Variants in RAD51B observed in about 807,000 individuals in gnomAD.
The protein encoded by RAD51B is RAD51 paralog B.
A neutral mutation model predicts 42.2 loss-of-function variants in RAD51B; 38 were observed. The observed-to-expected ratio is 0.90, with a 90% CI of 0.70 to 1.18. The LOEUF (loss-of-function observed/expected upper bound fraction) is 1.18, where lower values mean the gene tolerates loss of function less well. RAD51B is among the 50% of genes most tolerant of loss of function. The pLI, the probability that RAD51B is intolerant of heterozygous loss-of-function variation, is 0.00. For synonymous variants in RAD51B, 154 were observed against 145.2 expected, an observed-to-expected ratio of 1.06 and a Z score of -0.43; for missense variants, 373 against 400.7, an observed-to-expected ratio of 0.93 and a Z score of 0.59.
At chr14:68,197,208 C>T (rs578182975) in intron 7 of RAD51B, among the ~76,000 whole-genome samples, 1 of 152,240 alleles carries the variant, frequency 6.6e-6, no homozygotes, top group African/African-American at 2.4e-5. Flanking sequence ...AATCTCAAGC[C>T]TCCTTAGGCA....
chr14:68,457,681 C>T (rs184314300), intron 9 of RAD51B, among the ~76,000 whole-genome samples: 2 of 151,992 alleles, frequency 1.3e-5, no homozygotes, highest in Non-Finnish European at 1.5e-5. Flanking sequence ...TCACTGCAAC[C>T]TCCACCTCCT....
chr14:68,543,730 G>A (rs1351718666), intron 10 of RAD51B, among the ~76,000 whole-genome samples: 2 of 152,130 alleles, frequency 1.3e-5, no homozygotes, highest in African/African-American at 2.4e-5. Context: ...TACAGCCACC[G>A]CTGGGGCCAA....
At chr14:67,882,412 C>A (rs2042935165) in intron 5 of RAD51B, among the ~76,000 whole-genome samples, 3 of 152,174 alleles carry the variant, frequency 2.0e-5, no homozygotes, top group African/African-American at 7.2e-5. Context: ...GTCCTAGGAC[C>A]TTTTCTCTTC....
chr14:68,678,773 A>G (rs1893365541), intron 11 of RAD51B, among the ~76,000 whole-genome samples: 2 of 152,204 alleles, frequency 1.3e-5, no homozygotes, highest in Non-Finnish European at 2.9e-5. Flanking sequence ...AGGCAGAGGC[A>G]GTCCATCTGG....
intron 5 of RAD51B, among the ~76,000 whole-genome samples, chr14:67,871,278 A>G (rs2042521249): frequency 6.6e-6 from 1 of 152,160 alleles, no homozygotes; most frequent in African/African-American, 2.4e-5. Context: ...CCACAGAAAT[A>G]CAAACTACCA....
chr14:68,266,950 C>T (rs2081004167), intron 7 of RAD51B, among the ~76,000 whole-genome samples: 1 of 152,170 alleles, frequency 6.6e-6, no homozygotes, highest in African/African-American at 2.4e-5. Flanking sequence ...ATACATTACG[C>T]AAAAAGTTAC....
At chr14:67,982,140 G>C (rs2075105775) in intron 7 of RAD51B, among the ~76,000 whole-genome samples, 2 of 151,980 alleles carry the variant, frequency 1.3e-5, no homozygotes, top group Non-Finnish European at 2.9e-5. Context: ...TCACCATGTT[G>C]GCCAGACTGG....
At chr14:68,426,007 C>CCTTCCTTTCTTT (rs1183115143) in intron 9 of RAD51B, among the ~76,000 whole-genome samples, 47 of 116,666 alleles carry the variant, frequency 4.0e-4, no homozygotes, top group Middle Eastern at 4.3e-3. Flanking sequence ...TTCCTTCCTT[C>CCTTCCTTTCTTT]CTTTCTTTCT....
intron 10 of RAD51B, among the ~76,000 whole-genome samples, chr14:68,495,740 G>T (rs1317916325): frequency 6.6e-6 from 1 of 152,160 alleles, no homozygotes; most frequent in African/African-American, 2.4e-5. Flanking sequence ...TTCTGTAGAA[G>T]TGTCAGCTCT....
chr14:68,570,873 C>CCACACACACA (rs9323516), intron 10 of RAD51B, among the ~76,000 whole-genome samples: 463 of 150,344 alleles, frequency 3.1e-3, no homozygotes, highest in Non-Finnish European at 4.9e-3. Context: ...GGCTGGAGCG[C>CCACACACACA]CACACACACA....
At chr14:67,976,724 T>G (rs1383442862) in intron 7 of RAD51B, among the ~76,000 whole-genome samples, 1 of 152,034 alleles carries the variant, frequency 6.6e-6, no homozygotes, top group African/African-American at 2.4e-5. Flanking sequence ...TGGGATCTAA[T>G]TAAACTAAAG....
At chr14:68,484,647 G>A (rs564476611) in intron 10 of RAD51B, among the ~76,000 whole-genome samples, 2 of 152,182 alleles carry the variant, frequency 1.3e-5, no homozygotes, top group South Asian at 4.2e-4. Flanking sequence ...GTGAGCCACC[G>A]TGCCTGGCCC....
chr14:68,486,180 G>A (rs1278095630), intron 10 of RAD51B, among the ~76,000 whole-genome samples: 1 of 152,136 alleles, frequency 6.6e-6, no homozygotes, highest in Non-Finnish European at 1.5e-5. Context: ...GTATGTCAAA[G>A]GTGATTAAAT....
intron 10 of RAD51B, among the ~76,000 whole-genome samples, chr14:68,523,617 A>G (rs1413062426): frequency 6.6e-6 from 1 of 152,182 alleles, no homozygotes; most frequent in African/African-American, 2.4e-5. Context: ...CCGGCTTTCC[A>G]TCTGCCTATC....
At chr14:67,948,930 TCAAAAAAAA>T (rs2074387313) in intron 7 of RAD51B, among the ~76,000 whole-genome samples, 1 of 23,980 alleles carries the variant, frequency 4.2e-5, no homozygotes, top group African/African-American at 3.1e-4. Flanking sequence ...AGACTCTGTC[TCAAAAAAAA>T]AAAAAAAAAA....
chr14:68,438,966 C>T (rs770555404), intron 9 of RAD51B, among the ~76,000 whole-genome samples: 4 of 152,112 alleles, frequency 2.6e-5, no homozygotes, highest in Non-Finnish European at 5.9e-5. Context: ...TCCTTGCTTT[C>T]GTGGATCATG....
At chr14:68,262,898 C>T (rs1296578814) in intron 7 of RAD51B, among the ~76,000 whole-genome samples, 2 of 152,190 alleles carry the variant, frequency 1.3e-5, no homozygotes, top group Non-Finnish European at 2.9e-5. Flanking sequence ...CTTCATCAAA[C>T]CTAAGTAAAA....
intron 7 of RAD51B, among the ~76,000 whole-genome samples, chr14:68,269,496 C>T (rs906203470): frequency 6.6e-6 from 1 of 152,232 alleles, no homozygotes; most frequent in Non-Finnish European, 1.5e-5. Flanking sequence ...CCCTGTGCTA[C>T]CGCAGGATCG....
intron 1 of RAD51B, among the ~76,000 whole-genome samples, chr14:67,823,168 A>C (rs2040692566): frequency 3.3e-5 from 5 of 152,230 alleles, no homozygotes; most frequent in Admixed American, 2.6e-4. Flanking sequence ...CTGTTTGGAA[A>C]TATGCCTTGA....
Sources: allele counts gnomAD v4.1 joint callset (sites outside exome capture counted in the v4.1 genomes callset), GRCh38; gene constraint gnomAD v4.1.1; transcripts MANE v1.5; gene names NCBI Gene and HGNC (gene_info 2026-07-23, HGNC 2026-07-21).